The following SLC24A2 variants were observed in gnomAD, a reference collection of about 807,000 sequenced individuals.
The protein encoded by SLC24A2 is sodium/potassium/calcium exchanger 2.
Under a neutral mutation model 62.0 loss-of-function variants are expected in SLC24A2, and 36 were observed. The observed-to-expected ratio is 0.58, with a 90% CI of 0.44 to 0.77. SLC24A2 has a LOEUF of 0.77. SLC24A2 is among the 30% of genes least tolerant of loss of function. The pLI, the probability that SLC24A2 is intolerant of heterozygous loss-of-function variation, is 0.00. For synonymous variants in SLC24A2, 358 were observed against 294.0 expected, an observed-to-expected ratio of 1.22 and a Z score of -2.23; for missense variants, 846 against 817.9, an observed-to-expected ratio of 1.03 and a Z score of -0.42.
chr9:19,959,442 G>T, the SLC24A2 span, among the ~76,000 whole-genome samples: 44 of 152,242 alleles, frequency 2.9e-4, no homozygotes, highest in Non-Finnish European at 7.4e-5. Flanking sequence ...ATAAAATAAG[G>T]TGCCACGGTG....
At chr9:20,215,166 G>A in the SLC24A2 span, among the ~76,000 whole-genome samples, 4 of 152,176 alleles carry the variant, frequency 2.6e-5, no homozygotes, top group South Asian at 4.1e-4. Context: ...TTCTCACTGT[G>A]TCCTCACATG....
intron 2 of SLC24A2, among the ~76,000 whole-genome samples, chr9:19,715,655 C>A (rs891231858): frequency 2.0e-5 from 3 of 152,176 alleles, no homozygotes; most frequent in African/African-American, 7.2e-5. Flanking sequence ...AATAAGCTGG[C>A]AAATGTGACC....
chr9:19,919,712 T>C, the SLC24A2 span, among the ~76,000 whole-genome samples: 1 of 152,140 alleles, frequency 6.6e-6, no homozygotes, highest in Non-Finnish European at 1.5e-5. Context: ...CTTACAATCA[T>C]GGCAGAAGGG....
At chr9:19,783,177 T>A (rs534231841) in intron 2 of SLC24A2, among the ~76,000 whole-genome samples, 1 of 152,312 alleles carries the variant, frequency 6.6e-6, no homozygotes, top group East Asian at 1.9e-4. Context: ...ATGAAGCAAG[T>A]AGTTTCAAGG....
intron 2 of SLC24A2, among the ~76,000 whole-genome samples, chr9:19,784,647 T>C (rs1046682979): frequency 2.0e-5 from 3 of 152,204 alleles, no homozygotes; most frequent in African/African-American, 7.2e-5. Context: ...GGGGAGAACT[T>C]CCAATGATGG....
chr9:20,229,616 T>C, the SLC24A2 span, among the ~76,000 whole-genome samples: 1 of 152,044 alleles, frequency 6.6e-6, no homozygotes, highest in Admixed American at 6.5e-5. Context: ...CCTTTGAGCT[T>C]CCCAGTCTCG....
At chr9:19,785,908 G>C in intron 2 of SLC24A2, 29 bp downstream of exon 2, 2 of 1,614,010 alleles carry the variant, frequency 1.2e-6, no homozygotes, top group Non-Finnish European at 1.7e-6. Context: ...GTCAAGAAAA[G>C]CATTAAATAA....
the SLC24A2 span, among the ~76,000 whole-genome samples, chr9:20,277,462 G>T: frequency 6.6e-6 from 1 of 151,546 alleles, no homozygotes; most frequent in Non-Finnish European, 1.5e-5. Flanking sequence ...AAGACATTTA[G>T]GCAGCCGCAA....
At chr9:19,845,808 A>G in the SLC24A2 span, among the ~76,000 whole-genome samples, 1 of 152,026 alleles carries the variant, frequency 6.6e-6, no homozygotes, top group Non-Finnish European at 1.5e-5. Context: ...CATTTATTTC[A>G]TATAATTTTT....
At chr9:19,557,712 T>C (rs553242279) in intron 7 of SLC24A2, among the ~76,000 whole-genome samples, 1 of 152,250 alleles carries the variant, frequency 6.6e-6, no homozygotes, top group African/African-American at 2.4e-5. Context: ...AGCCTGGGTC[T>C]GTGGGTCAGA....
the SLC24A2 span, among the ~76,000 whole-genome samples, chr9:20,022,217 C>T: frequency 0.015 from 2,348 of 152,260 alleles, 63 homozygotes; most frequent in African/African-American, 0.054. Context: ...ATTTTCTTCT[C>T]TATACCACCC....
chr9:19,852,161 A>G, the SLC24A2 span, among the ~76,000 whole-genome samples: 13 of 152,166 alleles, frequency 8.5e-5, no homozygotes, highest in Non-Finnish European at 1.3e-4. Flanking sequence ...TCCTTTGCCC[A>G]CTTTTTAATG....
the SLC24A2 span, among the ~76,000 whole-genome samples, chr9:20,266,972 C>T: frequency 6.6e-6 from 1 of 150,672 alleles, no homozygotes; most frequent in Non-Finnish European, 1.5e-5. Context: ...GTCCTAGCTA[C>T]TTGGGTAGCT....
the SLC24A2 span, among the ~76,000 whole-genome samples, chr9:19,998,392 T>A: frequency 1.3e-5 from 2 of 152,180 alleles, no homozygotes; most frequent in African/African-American, 4.8e-5. Context: ...CACTTCCGGG[T>A]CACCTCTACC....
intron 4 of SLC24A2, among the ~76,000 whole-genome samples, chr9:19,598,882 G>C (rs1367287232): frequency 6.6e-6 from 1 of 152,140 alleles, no homozygotes; most frequent in African/African-American, 2.4e-5. Context: ...AATCACATCA[G>C]CCAACTAACT....
At chr9:19,882,252 C>T in the SLC24A2 span, among the ~76,000 whole-genome samples, 9 of 152,132 alleles carry the variant, frequency 5.9e-5, no homozygotes, top group African/African-American at 1.9e-4. Flanking sequence ...CTGGCCAATA[C>T]CGAACATGCA....
At chr9:20,089,732 C>T in the SLC24A2 span, among the ~76,000 whole-genome samples, 2 of 149,930 alleles carry the variant, frequency 1.3e-5, no homozygotes, top group African/African-American at 4.9e-5. Flanking sequence ...TCTATCCCTG[C>T]TACCTTTGGC....
chr9:19,893,700 A>C, the SLC24A2 span, among the ~76,000 whole-genome samples: 2 of 152,206 alleles, frequency 1.3e-5, no homozygotes, highest in African/African-American at 4.8e-5. Flanking sequence ...TGAAGGTCTC[A>C]TTGTTGGTAT....
At chr9:19,963,526 AAAAC>A in the SLC24A2 span, among the ~76,000 whole-genome samples, 1 of 152,140 alleles carries the variant, frequency 6.6e-6, no homozygotes, top group African/African-American at 2.4e-5. Flanking sequence ...TTACAAGAAA[AAAAC>A]AAACAACCCC....
Sources: allele counts gnomAD v4.1 joint callset (sites outside exome capture counted in the v4.1 genomes callset), GRCh38; gene constraint gnomAD v4.1.1; transcripts MANE v1.5; gene names NCBI Gene and HGNC (gene_info 2026-07-23, HGNC 2026-07-21).